NALCN: variants seen among roughly 807,000 people sequenced by gnomAD.
NALCN encodes the protein sodium leak channel NALCN.
A neutral mutation model predicts 225.3 loss-of-function variants in NALCN; 111 were observed. That is an observed-to-expected ratio of 0.49 (90% confidence interval 0.42 to 0.58). The LOEUF (loss-of-function observed/expected upper bound fraction) is 0.58. Ranked by LOEUF, NALCN falls within the 20% of genes least tolerant of loss-of-function variation. NALCN has a pLI of 0.00. For synonymous variants in NALCN, 764 were observed against 769.0 expected (o/e 0.99, Z 0.11); for missense variants, 1,378 against 2,202.4 (o/e 0.63, Z 7.49).
At chr13:101,199,994 G>A (rs1471947252) in intron 13 of NALCN, among the ~76,000 whole-genome samples, 3 of 151,984 alleles carry the variant, frequency 2.0e-5, no homozygotes, top group East Asian at 1.9e-4. Context: ...CAGAGCTCCA[G>A]TACTTGACCT....
At position 101,094,223 on chromosome 13, in the gene NALCN, T is replaced by C. The variant is rs1443388269; in HGVS notation, c.3269+1351A>G. Among the ~76,000 whole-genome samples, 4 of 152,172 alleles carry C rather than the reference T, an allele frequency of 2.6e-5. No individual in the cohort carries two copies. In the East Asian group the frequency reaches 5.8e-4, roughly 22 times the overall value. ...TGATGTGGCCCTAGGCAGTGACTAC[T>C]GGGCTCTCCAGGAACACCAGATAAC... On this transcript the variant is annotated intron_variant, in intron 28 of 43. Transcript: ENST00000251127.
rs537732476 is a variant in NALCN, at chr13:101,202,200, T to C, written c.1627-10146A>G. On this transcript the variant is annotated intron_variant, in intron 13 of 43. Coordinates refer to ENST00000251127, the MANE Select transcript of NALCN (RefSeq NM_052867.4). ...AGCTACAGCAATATTTAGGATAATA[T>C]TGATATACAGTAAATGCTGGTCGTA... Among the ~76,000 whole-genome samples the C allele has an allele frequency of 4.6e-5, 7 of 152,310 alleles. No homozygotes were observed. The South Asian group carries it at 1.0e-3, about 23-fold the overall frequency.
intron 13 of NALCN, among the ~76,000 whole-genome samples, chr13:101,199,172 G>C (rs1310215364): frequency 6.6e-6 from 1 of 151,924 alleles, no homozygotes; most frequent in Non-Finnish European, 1.5e-5. Flanking sequence ...ATAGCATTAG[G>C]AGATATAGCT....
At chr13:101,302,093 T>C (rs951816269) in intron 7 of NALCN, among the ~76,000 whole-genome samples, 20 of 152,204 alleles carry the variant, frequency 1.3e-4, no homozygotes, top group Non-Finnish European at 2.4e-4. Context: ...GTTCGCATAA[T>C]GTTAAGATAA....
chr13:101,101,453 G>C (rs2034818253), intron 26 of NALCN, among the ~76,000 whole-genome samples: 1 of 151,646 alleles, frequency 6.6e-6, no homozygotes, highest in South Asian at 2.1e-4. Context: ...GCTAATTTTT[G>C]TATTTTTAGT....
chr13:101,233,084 T>C (rs1408534503), intron 12 of NALCN, among the ~76,000 whole-genome samples: 1 of 152,196 alleles, frequency 6.6e-6, no homozygotes, highest in Admixed American at 6.5e-5. Flanking sequence ...TGCCTTTTCA[T>C]TTATTCAGGG....
chr13:101,109,488 A>C (rs2035315371), intron 20 of NALCN, among the ~76,000 whole-genome samples: 1 of 152,210 alleles, frequency 6.6e-6, no homozygotes, highest in Admixed American at 6.5e-5. Flanking sequence ...GCACTCCAAA[A>C]GCTCAAGAAA....
intron 10 of NALCN, among the ~76,000 whole-genome samples, chr13:101,267,242 T>G (rs867340554): frequency 9.9e-5 from 15 of 152,272 alleles, no homozygotes; most frequent in African/African-American, 3.6e-4. Context: ...AACAAACACA[T>G]GTGGATGTTA....
chr13:101,361,404 G>A (rs1053244301), intron 6 of NALCN, among the ~76,000 whole-genome samples: 11 of 152,110 alleles, frequency 7.2e-5, no homozygotes, highest in Non-Finnish European at 2.9e-5. Context: ...ATAAGCAATC[G>A]TAATTAACCA....
At chr13:101,164,767 T>A (rs1398636044) in intron 15 of NALCN, among the ~76,000 whole-genome samples, 3 of 152,210 alleles carry the variant, frequency 2.0e-5, no homozygotes, top group African/African-American at 7.2e-5. Flanking sequence ...ACATTTATTA[T>A]AAAAGTAAGA....
chr13:101,411,584 G>C (rs938052806), intron 1 of NALCN, among the ~76,000 whole-genome samples: 2 of 152,004 alleles, frequency 1.3e-5, no homozygotes, highest in African/African-American at 4.8e-5. Flanking sequence ...TCCTGACCTC[G>C]TGATCCACCC....
Position 101,259,945 on chromosome 13 carries a change from A to G in NALCN, c.1135-1371T>C, listed in dbSNP as rs142582304. On this transcript the variant is annotated intron_variant, in intron 10 of 43. Transcript: ENST00000251127. The stretch of plus-strand genomic sequence containing the variant: ...TATTATTGACTGCAGTCACTGTATT[A>G]TGCTAGCAAATAGTAGGTCTTATCT... Among the ~76,000 whole-genome samples the G allele has an allele frequency of 4.8e-4, 73 of 151,690 alleles. 2 individuals are homozygous for G. The highest frequency in any genetic ancestry group is 1.7e-3 in the African/African-American group (70 of 41,382).
intron 10 of NALCN, among the ~76,000 whole-genome samples, chr13:101,260,953 C>A (rs568811044): frequency 4.6e-5 from 7 of 152,272 alleles, no homozygotes; most frequent in African/African-American, 1.7e-4. Context: ...TTGCCCAGTC[C>A]AATGTCCTGG....
At chr13:101,371,006 C>T (rs896935385) in intron 6 of NALCN, among the ~76,000 whole-genome samples, 1 of 152,124 alleles carries the variant, frequency 6.6e-6, no homozygotes, top group African/African-American at 2.4e-5. Context: ...AATAATAGAA[C>T]ATGTCCTCTT....
At chr13:101,392,695 C>A (rs1202893984) in intron 3 of NALCN, among the ~76,000 whole-genome samples, 1 of 151,936 alleles carries the variant, frequency 6.6e-6, no homozygotes, top group African/African-American at 2.4e-5. Context: ...GCAACTAGGG[C>A]ATAAAAATTA....
chr13:101,107,493 A>G lies in NALCN; in HGVS notation c.2573T>C (p.Phe858Ser). ...TGAAATGAAGTGTACTTACGCGTTG[A>G]AGCGTGCTCGGACCACCACCCGGCA... ...NFCRVVVRAR[F>S]NASKTDPVTG... Residue 858 changes from phenylalanine to serine, a missense_variant, in exon 22 of 44, where the codon TTC becomes TCC. Transcript: ENST00000251127. 1 of 1,614,108 alleles carries G rather than the reference A, an allele frequency of 6.2e-7. No homozygotes were observed. Among genetic ancestry groups the G allele is most frequent in the Non-Finnish European group, 8.5e-7 (1 of 1,179,966 alleles).
At chr13:101,229,235 G>T (rs1159406345) in intron 13 of NALCN, among the ~76,000 whole-genome samples, 158 bp downstream of exon 13, 1 of 152,094 alleles carries the variant, frequency 6.6e-6, no homozygotes, top group African/African-American at 2.4e-5. Context: ...CCTGCACCCT[G>T]CAGAAGAGAC....
intron 15 of NALCN, among the ~76,000 whole-genome samples, chr13:101,149,908 G>A (rs1671737353): frequency 6.6e-6 from 1 of 152,204 alleles, no homozygotes; most frequent in Non-Finnish European, 1.5e-5. Flanking sequence ...TCCTCTCCTA[G>A]GTGCGTGCCT....
At chr13:101,072,591 T>C (rs949800237) in intron 37 of NALCN, among the ~76,000 whole-genome samples, 4 of 152,164 alleles carry the variant, frequency 2.6e-5, no homozygotes, top group African/African-American at 9.7e-5. Flanking sequence ...TCTATTTGAT[T>C]TGGCAAATTC....
Sources: allele counts gnomAD v4.1 joint callset (sites outside exome capture counted in the v4.1 genomes callset), GRCh38; gene constraint gnomAD v4.1.1; transcripts MANE v1.5; gene names NCBI Gene and HGNC (gene_info 2026-07-23, HGNC 2026-07-21).